Variants in TANGO2 observed in about 807,000 individuals in gnomAD.
TANGO2 encodes the protein transport and golgi organization 2 homolog, also known as transport and Golgi organization protein 2 homolog.
A neutral mutation model predicts 39.1 loss-of-function variants in TANGO2; 26 were observed. That is an observed-to-expected ratio of 0.67 (90% CI 0.49 to 0.92). The LOEUF is 0.92. TANGO2 is among the 40% of genes least tolerant of loss of function. The pLI is 0.00. For synonymous variants in TANGO2, 131 were observed against 144.5 expected, an observed-to-expected ratio of 0.91 and a Z score of 0.67; for missense variants, 326 against 360.1, an observed-to-expected ratio of 0.91 and a Z score of 0.77.
At chr22:20,038,428 C>T (rs11703292) in intron 2 of TANGO2, among the ~76,000 whole-genome samples, 34,917 of 152,046 alleles carry the variant, frequency 0.23, 4,167 homozygotes, top group Middle Eastern at 0.26. Context: ...CAACCCACCC[C>T]GAGTGCTCCC....
chr22:20,049,887 A>G (rs1290114710), intron 3 of TANGO2, among the ~76,000 whole-genome samples: 1 of 152,096 alleles, frequency 6.6e-6, no homozygotes, highest in Non-Finnish European at 1.5e-5. Flanking sequence ...TCTAAGAAGT[A>G]CCCAGTGAAA....
chr22:20,043,253 T>C, intron 2 of TANGO2, 102 bp from the exon 3 acceptor site: 1 of 807,650 alleles, frequency 1.2e-6, no homozygotes, highest in Non-Finnish European at 2.1e-6. Context: ...TCTCTGAGAC[T>C]GGCCCTTGTT....
intron 3 of TANGO2, among the ~76,000 whole-genome samples, chr22:20,046,630 AATTTTTGT>A (rs1316529495): frequency 1.3e-5 from 2 of 151,822 alleles, no homozygotes; most frequent in African/African-American, 4.8e-5. Context: ...ACACCCTGCT[AATTTTTGT>A]ATTTTTGTAT....
intron 7 of TANGO2, 107 bp from the exon 8 acceptor site, chr22:20,063,231 C>T: frequency 4.9e-6 from 4 of 814,662 alleles, no homozygotes; most frequent in Non-Finnish European, 8.2e-6. Flanking sequence ...TTGCAGTTCC[C>T]CGGCCACTCC....
intron 1 of TANGO2, among the ~76,000 whole-genome samples, chr22:20,034,153 C>T (rs1015170306): frequency 2.0e-5 from 3 of 152,052 alleles, no homozygotes; most frequent in South Asian, 2.1e-4. Flanking sequence ...TGCGGTGAGC[C>T]GAGATTATGC....
intron 8 of TANGO2, among the ~76,000 whole-genome samples, chr22:20,063,893 A>G (rs1016912216): frequency 4.0e-5 from 6 of 151,752 alleles, no homozygotes; most frequent in Non-Finnish European, 8.8e-5. Flanking sequence ...GCAAGTGCCA[A>G]CTCCACTCCC....
rs2049013698 is a variant in TANGO2, at chr22:20,064,867, CAG to C, written c.*208_*209del. 2 of 638,224 alleles carry C rather than the reference CAG, an allele frequency of 3.1e-6. No homozygotes were observed. 39.5% of individuals were successfully genotyped at this position (638,224 alleles called of 1,614,324 possible). A position where few individuals can be genotyped will look rare whatever the true frequency, so the allele number is the denominator to read the frequency against. ...CTGCCTTTATGCCAGTGAGGAGCAG[CAG>C]AGTCTGATACTAGGTCTAGGACCGG... On this transcript the variant is annotated 3_prime_UTR_variant, in exon 9 of 9. Coordinates refer to ENST00000327374, the MANE Select transcript of TANGO2 (RefSeq NM_152906.7).
chr22:20,055,650 C>G, intron 5 of TANGO2: 1 of 496,180 alleles, frequency 2.0e-6, no homozygotes, highest in South Asian at 2.1e-5. Flanking sequence ...TCTGTGTGTC[C>G]ATGCCATGGG....
intron 2 of TANGO2, among the ~76,000 whole-genome samples, chr22:20,042,752 G>C (rs983014191): frequency 6.6e-6 from 1 of 152,118 alleles, no homozygotes; most frequent in Non-Finnish European, 1.5e-5. Context: ...GTGACACAGA[G>C]AGACTCCATC....
At chr22:20,027,212 G>A (rs942134818) in intron 1 of TANGO2, among the ~76,000 whole-genome samples, 8 of 152,156 alleles carry the variant, frequency 5.3e-5, no homozygotes, top group Non-Finnish European at 1.0e-4. Context: ...GCACCGGGGG[G>A]GATGGTGTTA....
chr22:20,037,605 G>T (rs2043089780), intron 2 of TANGO2, among the ~76,000 whole-genome samples: 1 of 152,204 alleles, frequency 6.6e-6, no homozygotes, highest in African/African-American at 2.4e-5. Context: ...CTTCAAGGCT[G>T]AGTGAAGTCA....
intron 6 of TANGO2, chr22:20,056,383 T>A (rs2047351308): frequency 2.0e-6 from 1 of 498,954 alleles, no homozygotes; most frequent in Non-Finnish European, 3.9e-6. Flanking sequence ...TCTTGCCTGG[T>A]CTGCTCCCTG....
In TANGO2 at chr22:20,057,457, C is replaced by G. The variant is rs924514532; in HGVS notation, c.451+1444C>G. Among the ~76,000 whole-genome samples, 2 of 152,190 alleles carry G rather than the reference C, an allele frequency of 1.3e-5. No individual in the cohort carries two copies. The highest frequency in any genetic ancestry group is 2.9e-5 in the Non-Finnish European group (2 of 68,024). ...CTGCCCCCACGCCTACCAGCTGGTG[C>G]CCTCTCCTCCACCTGGGGCTTATCC... On this transcript the variant is annotated intron_variant, in intron 6 of 8. Coordinates refer to ENST00000327374, the MANE Select transcript of TANGO2 (RefSeq NM_152906.7). The surrounding 1 kb of genome is among the most constrained non-coding windows in gnomAD (Gnocchi z 4.1).
At chr22:20,025,167 C>A (rs1446422868) in intron 1 of TANGO2, among the ~76,000 whole-genome samples, 1 of 150,052 alleles carries the variant, frequency 6.7e-6, no homozygotes, top group African/African-American at 2.4e-5. Context: ...GATCGTGCCA[C>A]TGCAACCTCT....
At chr22:20,059,463 T>A (rs1333498487) in intron 6 of TANGO2, among the ~76,000 whole-genome samples, 2 of 152,232 alleles carry the variant, frequency 1.3e-5, no homozygotes, top group Non-Finnish European at 2.9e-5. Context: ...ATCCAAACTG[T>A]TTGCCAAAGC....
chr22:20,032,052 G>A (rs2146942303), intron 1 of TANGO2, among the ~76,000 whole-genome samples: 1 of 152,336 alleles, frequency 6.6e-6, no homozygotes, highest in East Asian at 1.9e-4. Context: ...CTCTTGAGAT[G>A]AGATCACAGC....
intron 2 of TANGO2, among the ~76,000 whole-genome samples, chr22:20,039,611 A>G (rs555162910): frequency 6.6e-6 from 1 of 152,136 alleles, no homozygotes; most frequent in East Asian, 1.9e-4. Flanking sequence ...CCTGGATGAC[A>G]GAGTGAGACT....
chr22:20,039,115 G>A (rs992517793), intron 2 of TANGO2, among the ~76,000 whole-genome samples: 4 of 145,666 alleles, frequency 2.7e-5, no homozygotes, highest in Non-Finnish European at 6.0e-5. Context: ...TTTTTTTTTG[G>A]TAGAGACAAG....
intron 1 of TANGO2, among the ~76,000 whole-genome samples, chr22:20,026,491 G>T (rs1980604544): frequency 6.6e-6 from 1 of 152,218 alleles, no homozygotes; most frequent in Admixed American, 6.5e-5. Flanking sequence ...GCCTTTAGCA[G>T]GACGGGACAT....
Sources: gnomAD v4.1 joint callset for allele counts (sites outside exome capture counted in the v4.1 genomes callset) on GRCh38, gnomAD v4.1.1 for gene constraint, Gnocchi (gnomAD v3.1) non-coding constraint, MANE v1.5 for transcripts, NCBI Gene and HGNC (gene_info 2026-07-23, HGNC 2026-07-21) for gene names.